Variants in C12orf42 observed in about 807,000 individuals in gnomAD.
C12orf42 encodes uncharacterized protein C12orf42.
A neutral mutation model predicts 21.6 loss-of-function variants in C12orf42; 25 were observed. The observed-to-expected ratio is 1.16, with a 90% CI of 0.84 to 1.62. The LOEUF (loss-of-function observed/expected upper bound fraction) is 1.62, where lower values mean the gene tolerates loss of function less well. C12orf42 is among the 40% of genes most tolerant of loss of function. The pLI is 0.00. For synonymous variants in C12orf42, 174 were observed against 175.0 expected (o/e 0.99, Z 0.05); for missense variants, 483 against 459.3 (o/e 1.05, Z -0.47).
intron 3 of C12orf42, among the ~76,000 whole-genome samples, chr12:103,384,100 T>A (rs1435899559): frequency 6.6e-6 from 1 of 152,242 alleles, no homozygotes; most frequent in Non-Finnish European, 1.5e-5. Context: ...TTTGTCTTGA[T>A]CTTCCAATGA....
At chr12:103,285,525 A>G (rs539736249) in intron 4 of C12orf42, among the ~76,000 whole-genome samples, 32 of 152,364 alleles carry the variant, frequency 2.1e-4, no homozygotes, top group Admixed American at 3.9e-4. Context: ...GTATAATAGA[A>G]TACAAATAAC....
chr12:103,166,043 AAAAAAAGAAAG>A, the C12orf42 span, among the ~76,000 whole-genome samples: 2,291 of 151,822 alleles, frequency 0.015, 52 homozygotes, highest in African/African-American at 0.052. Context: ...CCGTCTCAAA[AAAAAAAGAAAG>A]AAAAAAGAAA....
intron 4 of C12orf42, among the ~76,000 whole-genome samples, chr12:103,294,706 A>C (rs1157749365): frequency 6.6e-6 from 1 of 152,152 alleles, no homozygotes; most frequent in Non-Finnish European, 1.5e-5. Context: ...AGAGAATTAT[A>C]TTTCACAAAG....
At chr12:103,131,490 G>C in the C12orf42 span, among the ~76,000 whole-genome samples, 1 of 152,200 alleles carries the variant, frequency 6.6e-6, no homozygotes, top group Admixed American at 6.5e-5. Context: ...AGTATAGCTT[G>C]TCAGATTTTC....
intron 2 of C12orf42, among the ~76,000 whole-genome samples, chr12:103,441,156 C>A (rs1270964961): frequency 6.6e-6 from 1 of 152,020 alleles, no homozygotes; most frequent in Non-Finnish European, 1.5e-5. Context: ...TTATATTTTC[C>A]AAACAGCCCA....
the C12orf42 span, among the ~76,000 whole-genome samples, chr12:103,072,456 A>AG: frequency 2.6e-5 from 4 of 151,984 alleles, no homozygotes; most frequent in Admixed American, 6.6e-5. Flanking sequence ...AAAAAAAAAA[A>AG]GAAAATACAT....
intron 2 of C12orf42, among the ~76,000 whole-genome samples, chr12:103,442,341 G>A (rs188831970): frequency 3.9e-4 from 60 of 152,220 alleles, no homozygotes; most frequent in Admixed American, 6.5e-4. Flanking sequence ...ACAATCTTAC[G>A]GGGATGACAG....
At chr12:103,322,132 CA>C (rs1783522351) in intron 4 of C12orf42, among the ~76,000 whole-genome samples, 1 of 129,288 alleles carries the variant, frequency 7.7e-6, no homozygotes, top group Non-Finnish European at 1.5e-5. Context: ...CGCGCACACA[CA>C]CACACACACA....
At chr12:103,458,903 T>C (rs1277540958) in intron 2 of C12orf42, among the ~76,000 whole-genome samples, 1 of 151,714 alleles carries the variant, frequency 6.6e-6, no homozygotes, top group African/African-American at 2.4e-5. Flanking sequence ...GAATGACCTC[T>C]GGGTTAGTTC....
chr12:103,119,596 G>A, the C12orf42 span, among the ~76,000 whole-genome samples: 19 of 152,252 alleles, frequency 1.2e-4, no homozygotes, highest in African/African-American at 3.4e-4. Flanking sequence ...ATTGTGCCGC[G>A]TCTGTCTTCC....
At chr12:103,245,783 G>C (rs977486467) in intron 10 of C12orf42, among the ~76,000 whole-genome samples, 2 of 152,072 alleles carry the variant, frequency 1.3e-5, no homozygotes, top group African/African-American at 4.8e-5. Flanking sequence ...TGATTTAGAT[G>C]AGATATGGGA....
chr12:103,089,101 CAAAAAAA>C, the C12orf42 span, among the ~76,000 whole-genome samples: 1 of 54,846 alleles, frequency 1.8e-5, no homozygotes, highest in African/African-American at 7.8e-5. Flanking sequence ...GACTCCATCT[CAAAAAAA>C]AAAAAAAAAA....
At chr12:103,348,097 G>T (rs1229629271) in intron 4 of C12orf42, among the ~76,000 whole-genome samples, 1 of 152,072 alleles carries the variant, frequency 6.6e-6, no homozygotes, top group African/African-American at 2.4e-5. Context: ...AAAAATCACA[G>T]CCACTCCTAT....
At chr12:103,510,487 G>C in the C12orf42 span, among the ~76,000 whole-genome samples, 1 of 151,806 alleles carries the variant, frequency 6.6e-6, no homozygotes, top group Non-Finnish European at 1.5e-5. Flanking sequence ...AATACAACCT[G>C]TTCCCCAAAA....
the C12orf42 span, among the ~76,000 whole-genome samples, chr12:103,048,269 T>C: frequency 1.3e-5 from 2 of 152,174 alleles, no homozygotes; most frequent in Non-Finnish European, 2.9e-5. Flanking sequence ...TACTCACCTC[T>C]AACGGCAATC....
the C12orf42 span, among the ~76,000 whole-genome samples, chr12:103,560,281 C>T: frequency 5.7e-5 from 1 of 17,564 alleles, no homozygotes; most frequent in Admixed American, 7.6e-4. Context: ...AACCTATTAC[C>T]TTCAGGGAAA....
At chr12:103,490,208 T>A (rs1955104951) in intron 1 of C12orf42, among the ~76,000 whole-genome samples, 1 of 152,240 alleles carries the variant, frequency 6.6e-6, no homozygotes, top group Non-Finnish European at 1.5e-5. Context: ...CCATTAAAAT[T>A]TAAATCTTAG....
intron 2 of C12orf42, among the ~76,000 whole-genome samples, chr12:103,449,843 C>T (rs573220079): frequency 3.3e-5 from 5 of 150,632 alleles, no homozygotes; most frequent in Admixed American, 6.6e-5. Context: ...TGAAAATGCA[C>T]GAACTCTAAA....
the C12orf42 span, among the ~76,000 whole-genome samples, chr12:103,231,459 T>C: frequency 6.6e-6 from 1 of 152,216 alleles, no homozygotes; most frequent in Non-Finnish European, 1.5e-5. Flanking sequence ...TTCTGCCTAT[T>C]TATTTCTTCC....
Sources: gnomAD v4.1 joint callset for allele counts (sites outside exome capture counted in the v4.1 genomes callset) on GRCh38, gnomAD v4.1.1 for gene constraint, MANE v1.5 for transcripts, NCBI Gene and HGNC (gene_info 2026-07-23, HGNC 2026-07-21) for gene names.